KIF15: variants seen among roughly 807,000 people sequenced by gnomAD.
KIF15 encodes kinesin-like protein KIF15.
In KIF15, 140 loss-of-function variants were observed where a neutral mutation model predicts 190.6. The observed-to-expected ratio is 0.73, with a 90% CI of 0.64 to 0.84. KIF15 has a LOEUF of 0.84. Ranked by LOEUF, KIF15 falls within the 40% of genes least tolerant of loss-of-function variation. The probability of loss-of-function intolerance (pLI) is 0.00; values close to 1 mark genes in which losing one functional copy is unlikely to be tolerated. For synonymous variants in KIF15, 528 were observed against 551.3 expected (o/e 0.96, Z 0.59); for missense variants, 1,372 against 1,584.4 (o/e 0.87, Z 2.28).
intron 1 of KIF15, among the ~76,000 whole-genome samples, chr3:44,762,489 G>A (rs2125885021): frequency 6.6e-6 from 1 of 152,230 alleles, no homozygotes; most frequent in Non-Finnish European, 1.5e-5. Flanking sequence ...AAACCCTACA[G>A]TTTTCACTAA....
At chr3:44,771,200 C>G (rs1314281672) in intron 1 of KIF15, among the ~76,000 whole-genome samples, 2 of 152,118 alleles carry the variant, frequency 1.3e-5, no homozygotes, top group Non-Finnish European at 2.9e-5. Flanking sequence ...TTGGTTATCT[C>G]TGTGGTTTAT....
intron 7 of KIF15, among the ~76,000 whole-genome samples, chr3:44,791,934 G>C (rs550461563): frequency 9.9e-5 from 15 of 151,954 alleles, no homozygotes; most frequent in African/African-American, 3.1e-4. Context: ...GGTCAGGCTG[G>C]TCTTGAACTC....
rs138611262 is a variant in KIF15 at position 44,838,351 on chromosome 3, C to G, written c.3248C>G (p.Ser1083Trp). 8 of 1,614,002 alleles carry G rather than the reference C, an allele frequency of 5.0e-6. No individual in the cohort carries two copies. The South Asian group carries it at 8.8e-5, about 18-fold the overall frequency. ...CTCACAGAGGCCTCAAAAAAACACTCGGGGCTGCTGCAGTCTGCCCAGGAA... is the reference window on the plus strand; with the variant it reads ...CTCACAGAGGCCTCAAAAAAACACTGGGGGCTGCTGCAGTCTGCCCAGGAA... ...NMLTEASKKH[S>W]GLLQSAQEEL... The change falls in exon 27 of 35, where the codon TCG (serine) becomes TGG (tryptophan). Residue 1083 changes from serine to tryptophan, a missense_variant. Transcript: ENST00000326047.
intron 6 of KIF15, among the ~76,000 whole-genome samples, chr3:44,867,189 G>A (rs1235298530): frequency 6.6e-6 from 1 of 152,182 alleles, no homozygotes; most frequent in Non-Finnish European, 1.5e-5. Flanking sequence ...ACTGGGCTCA[G>A]CTCAGTCCCT....
chr3:44,774,850 A>G (rs953354734), intron 2 of KIF15, among the ~76,000 whole-genome samples: 3 of 152,240 alleles, frequency 2.0e-5, no homozygotes, highest in African/African-American at 7.2e-5. Context: ...CAGTAATCCC[A>G]GCACTTTGGG....
At chr3:44,858,253 T>A (rs1200950399), downstream of KIF15, among the ~76,000 whole-genome samples, 4 of 152,162 alleles carry the variant, frequency 2.6e-5, no homozygotes, top group East Asian at 7.7e-4. Context: ...GGCAAAATAA[T>A]TTGGTTGATA....
chr3:44,827,372 T>G (rs1474772035), intron 22 of KIF15, 87 bp from the exon 23 acceptor site: 2 of 923,414 alleles, frequency 2.2e-6, no homozygotes, highest in South Asian at 3.1e-5. Flanking sequence ...CAAAGTTCAT[T>G]TGCACTTAAT....
chr3:44,862,110 C>T, intron 6 of KIF15: 4 of 1,196,744 alleles, frequency 3.3e-6, no homozygotes, highest in Non-Finnish European at 3.1e-6. Flanking sequence ...TGGCCTTCGG[C>T]AGCGAGGTCG....
At position 44,810,918 on chromosome 3, in the gene KIF15, A is replaced by C. The variant is rs1350624576; in HGVS notation, c.2044A>C (p.Ser682Arg). 6.2e-7 allele frequency: 1 copy of C among 1,613,894 alleles called. No homozygotes were observed. Among genetic ancestry groups the C allele is most frequent in the Non-Finnish European group, 8.5e-7 (1 of 1,179,970 alleles). ...PVPKLSPEMG[S>R]FGSLYTQNSS... ...ACCAAAATTAAGCCCTGAAATGGGA[A>C]GCTTTGGCTCTCTATACACTCAGAA... The change falls in exon 17 of 35, where the codon AGC becomes CGC. Residue 682 changes from serine to arginine, a missense_variant. Transcript: ENST00000326047.
At chr3:44,790,745 T>G (rs1706657301) in intron 7 of KIF15, among the ~76,000 whole-genome samples, 1 of 141,986 alleles carries the variant, frequency 7.0e-6, no homozygotes, top group Non-Finnish European at 1.5e-5. Context: ...CAGGCTAGAG[T>G]GCAGTGGCAT....
chr3:44,780,968 A>T (rs753281369), intron 5 of KIF15, 46 bp downstream of exon 5: 1 of 1,359,992 alleles, frequency 7.4e-7, no homozygotes, highest in East Asian at 2.3e-5. Context: ...TCTTTCTGTG[A>T]TAACAGTAAC....
At chr3:44,781,640 A>G (rs1224511294) in intron 5 of KIF15, among the ~76,000 whole-genome samples, 1 of 152,182 alleles carries the variant, frequency 6.6e-6, no homozygotes, top group Non-Finnish European at 1.5e-5. Flanking sequence ...CAGTTTCCCA[A>G]AGTGATTATC....
chr3:44,833,174 A>G (rs1483123435), intron 26 of KIF15, among the ~76,000 whole-genome samples: 3 of 152,072 alleles, frequency 2.0e-5, no homozygotes, highest in African/African-American at 7.2e-5. Flanking sequence ...TTCATTTGCC[A>G]TATCTGTAGA....
At chr3:44,838,129 G>T (rs1410594166) in intron 26 of KIF15, 146 bp from the exon 27 acceptor site, 1 of 708,420 alleles carries the variant, frequency 1.4e-6, no homozygotes, top group Non-Finnish European at 2.3e-6. Context: ...TGATTACTTT[G>T]TCTTAGAATG....
At chr3:44,770,626 G>T (rs187032819) in intron 1 of KIF15, among the ~76,000 whole-genome samples, 24 of 152,292 alleles carry the variant, frequency 1.6e-4, no homozygotes, top group Admixed American at 1.2e-3. Flanking sequence ...CCAGTCAAAG[G>T]CCTTGGTAAA....
At chr3:44,822,952 A>G (rs1292591099) in intron 20 of KIF15, among the ~76,000 whole-genome samples, 2 of 152,094 alleles carry the variant, frequency 1.3e-5, no homozygotes, top group African/African-American at 2.4e-5. Context: ...GGGTTTGAAC[A>G]TGGTCCTTTA....
At chr3:44,773,326 C>G (rs1273389879) in intron 1 of KIF15, among the ~76,000 whole-genome samples, 3 of 152,180 alleles carry the variant, frequency 2.0e-5, no homozygotes, top group South Asian at 2.1e-4. Context: ...TTGAACCTAG[C>G]TGGGCCCCTT....
intron 6 of KIF15, among the ~76,000 whole-genome samples, chr3:44,859,036 G>T (rs1699214500): frequency 6.6e-6 from 1 of 152,226 alleles, no homozygotes; most frequent in Non-Finnish European, 1.5e-5. Context: ...GGGCAAGCTG[G>T]ACAGTCTGAT....
rs1697483950 is a variant in KIF15 at position 44,823,672 on chromosome 3, T to C, written c.2550-2367T>C. Among the ~76,000 whole-genome samples the C allele has an allele frequency of 2.0e-5, 3 of 152,306 alleles. No homozygotes were observed. The South Asian group carries it at 6.2e-4, about 32-fold the overall frequency. On this transcript the variant is annotated intron_variant, in intron 20 of 34. Transcript: ENST00000326047. The stretch of plus-strand genomic sequence containing the variant: ...CTGAGCTGTGGTGGGCTCCACCCAG[T>C]TCAAGCTTCCAGGCCGCTTTGTTTA...
Sources: allele counts gnomAD v4.1 joint callset (sites outside exome capture counted in the v4.1 genomes callset), GRCh38; gene constraint gnomAD v4.1.1; transcripts MANE v1.5; gene names NCBI Gene and HGNC (gene_info 2026-07-23, HGNC 2026-07-21).